ABCB1: variants seen among roughly 807,000 people sequenced by gnomAD.
The protein encoded by ABCB1 is ATP-dependent translocase ABCB1.
A neutral mutation model predicts 142.0 loss-of-function variants in ABCB1; 69 were observed. The ratio of observed to expected loss-of-function variants is 0.49; its 90% CI spans 0.40 to 0.59. The LOEUF is 0.59. Among genes scored for constraint, ABCB1 ranks in the 20% least tolerant of loss-of-function variants. ABCB1 has a pLI of 0.00. For missense variants in ABCB1, 1,326 were observed against 1,554.7 expected, an observed-to-expected ratio of 0.85 and a Z score of 2.47; for synonymous variants, 532 against 539.2, an observed-to-expected ratio of 0.99 and a Z score of 0.18.
chr7:87,523,876 A>G (rs1815656508), intron 21 of ABCB1, among the ~76,000 whole-genome samples: 2 of 152,152 alleles, frequency 1.3e-5, no homozygotes, highest in African/African-American at 2.4e-5. Context: ...GTCCCTTTTA[A>G]TGCTATGATT....
At chr7:87,602,240 G>C (rs529881236), upstream of ABCB1, among the ~76,000 whole-genome samples, 1 of 150,016 alleles carries the variant, frequency 6.7e-6, no homozygotes, top group Admixed American at 6.6e-5. Context: ...TGATCCGCCC[G>C]CCTCGGCCTC....
chr7:87,650,769 C>T, intron 1 of ABCB1: 1 of 1,097,876 alleles, frequency 9.1e-7, no homozygotes, highest in South Asian at 1.3e-5. Flanking sequence ...TTTTTTCATA[C>T]TTAGGGAATG....
intron 1 of ABCB1, among the ~76,000 whole-genome samples, chr7:87,657,681 G>T (rs1290184987): frequency 1.3e-5 from 2 of 152,144 alleles, no homozygotes; most frequent in Non-Finnish European, 2.9e-5. Context: ...CCATACTGGG[G>T]TGGGGTCAGA....
chr7:87,569,102 G>C lies in ABCB1; in HGVS notation c.338+1070C>G, dbSNP rs183068048. Among the ~76,000 whole-genome samples, 670 of 152,246 alleles carry C rather than the reference G, an allele frequency of 4.4e-3. 1 individual carries two copies. Among genetic ancestry groups the C allele is most frequent in the Middle Eastern group, 0.01 (3 of 294 alleles). On this transcript the variant is annotated intron_variant, in intron 5 of 27. Transcript: ENST00000622132. ...AATCCCAGCACTTTGGAAGGCCAAG[G>C]TGGGTGGATCACCTGAGGTCAGAAG...
At chr7:87,684,854 T>G (rs1404285050) in intron 1 of ABCB1, among the ~76,000 whole-genome samples, 1 of 151,120 alleles carries the variant, frequency 6.6e-6, no homozygotes, top group Non-Finnish European at 1.5e-5. Context: ...GACAATTTCA[T>G]GGAAAAGTGA....
chr7:87,581,169 C>T (rs1451305753), intron 4 of ABCB1, among the ~76,000 whole-genome samples: 1 of 152,060 alleles, frequency 6.6e-6, no homozygotes, highest in African/African-American at 2.4e-5. Flanking sequence ...CTTGCCCAGG[C>T]TAGCCTTGAA....
At chr7:87,687,050 A>T (rs1472924349) in intron 1 of ABCB1, among the ~76,000 whole-genome samples, 2 of 152,186 alleles carry the variant, frequency 1.3e-5, no homozygotes, top group Admixed American at 1.3e-4. Context: ...AAATGATTAA[A>T]TGTAAGACAC....
intron 1 of ABCB1, among the ~76,000 whole-genome samples, chr7:87,625,996 A>G: frequency 6.9e-6 from 1 of 144,642 alleles, no homozygotes; most frequent in South Asian, 2.1e-4. Context: ...ATGTACATAT[A>G]TATGTATATG....
intron 2 of ABCB1, among the ~76,000 whole-genome samples, chr7:87,598,507 C>G (rs996953814): frequency 1.3e-5 from 2 of 152,134 alleles, no homozygotes; most frequent in South Asian, 4.1e-4. Context: ...AATTAGTAAA[C>G]ATTCTGAAGA....
rs1373721748 is a variant in ABCB1 at position 87,600,162 on chromosome 7, T to C, written c.23A>G (p.Asn8Ser). Residue 8 changes from asparagine to serine, a missense_variant, in exon 2 of 28, where the codon AAT becomes AGT. Asn to Ser is a conservative substitution (Grantham distance 46). Coordinates refer to ENST00000622132, the MANE Select transcript of ABCB1 (RefSeq NM_001348946.2). ...AAAGTTCTTCTTCTTTGCTCCTCCA[T>C]TGCGGTCCCCTTCAAGATCCATTCC... MDLEGDRNGGAKKKNFFK... is the reference protein window; with the variant it reads MDLEGDRSGGAKKKNFFK... 1 of 1,614,146 alleles carries C rather than the reference T, an allele frequency of 6.2e-7. No individual in the cohort carries two copies. Among genetic ancestry groups the C allele is most frequent in the Admixed American group, 1.7e-5 (1 of 60,022 alleles).
chr7:87,561,461 A>C, intron 7 of ABCB1, 74 bp from the exon 8 acceptor site: 1 of 1,422,690 alleles, frequency 7.0e-7, no homozygotes, highest in African/African-American at 1.4e-5. Flanking sequence ...AAATAAATGT[A>C]TACATAAATG....
chr7:87,509,238 A>G (rs1476699755), intron 26 of ABCB1, 37 bp downstream of exon 26: 1 of 1,604,278 alleles, frequency 6.2e-7, no homozygotes, highest in African/African-American at 1.3e-5. Context: ...AGAGGCTGCC[A>G]CATGCTCCCA....
intron 9 of ABCB1, 39 bp from the exon 10 acceptor site, chr7:87,550,877 A>C (rs200466677): frequency 7.1e-5 from 93 of 1,314,816 alleles, no homozygotes; most frequent in Non-Finnish European, 9.6e-5. Flanking sequence ...CTACTGAGAT[A>C]GTGACAGCAA....
Position 87,516,492 on chromosome 7 carries a change from T to C in ABCB1, c.3084+17A>G, listed in dbSNP as rs556518721. ...AGGAGTCAGGAGTAGATCAAACAGT[T>C]GAAACATCAAACTCACCGGCATTAG... On this transcript the variant is annotated intron_variant, in intron 24 of 27. Coordinates refer to ENST00000622132, the MANE Select transcript of ABCB1 (RefSeq NM_001348946.2). 6.2e-7 allele frequency: 1 copy of C among 1,614,146 alleles called. No individual in the cohort carries two copies. The highest frequency in any genetic ancestry group is 1.7e-5 in the Admixed American group (1 of 60,014).
intron 5 of ABCB1, among the ~76,000 whole-genome samples, 176 bp from the exon 6 acceptor site, chr7:87,567,152 A>G (rs1271599597): frequency 1.3e-5 from 2 of 152,256 alleles, no homozygotes; most frequent in African/African-American, 2.4e-5. Context: ...GTTTGCACCA[A>G]TATGGTGGAA....
chr7:87,530,829 GC>G (rs1563037343), intron 21 of ABCB1, among the ~76,000 whole-genome samples: 128 of 60,658 alleles, frequency 2.1e-3, no homozygotes, highest in African/African-American at 6.1e-3. Context: ...AAGCAAGAAA[GC>G]AAGAAAGCAA....
chr7:87,701,302 A>G (rs1398919543), intron 1 of ABCB1, among the ~76,000 whole-genome samples: 3 of 152,236 alleles, frequency 2.0e-5, no homozygotes, highest in Non-Finnish European at 2.9e-5. Flanking sequence ...ACTTCAAGGA[A>G]ACAGCTGACA....
chr7:87,563,651 C>T (rs1464377460), intron 7 of ABCB1, among the ~76,000 whole-genome samples: 1 of 152,118 alleles, frequency 6.6e-6, no homozygotes, highest in Non-Finnish European at 1.5e-5. Context: ...GAACACACCT[C>T]AAAATAATAA....
At chr7:87,555,404 G>A (rs1201604285) in intron 8 of ABCB1, among the ~76,000 whole-genome samples, 2 of 152,092 alleles carry the variant, frequency 1.3e-5, no homozygotes, top group East Asian at 3.8e-4. Context: ...ATATTATATA[G>A]CATTATATTA....
Sources: gnomAD v4.1 joint callset for allele counts (sites outside exome capture counted in the v4.1 genomes callset) on GRCh38, gnomAD v4.1.1 for gene constraint, MANE v1.5 for transcripts, NCBI Gene and HGNC (gene_info 2026-07-23, HGNC 2026-07-21) for gene names.